GUCY1A2: variants seen among roughly 807,000 people sequenced by gnomAD.
GUCY1A2 encodes guanylate cyclase 1 soluble subunit alpha 2, also known as guanylate cyclase soluble subunit alpha-2.
In GUCY1A2, 27 loss-of-function variants were observed where a neutral mutation model predicts 63.5. The ratio of observed to expected loss-of-function variants is 0.43; its 90% CI spans 0.31 to 0.59. The LOEUF (loss-of-function observed/expected upper bound fraction) is 0.59, where lower values mean the gene tolerates loss of function less well. Ranked by LOEUF, GUCY1A2 falls within the 20% of genes least tolerant of loss-of-function variation. The probability of loss-of-function intolerance (pLI) is 0.11; values close to 1 mark genes in which losing one functional copy is unlikely to be tolerated. For missense variants in GUCY1A2, 768 were observed against 913.3 expected, an observed-to-expected ratio of 0.84 and a Z score of 2.05; for synonymous variants, 364 against 343.5, an observed-to-expected ratio of 1.06 and a Z score of -0.66.
intron 4 of GUCY1A2, among the ~76,000 whole-genome samples, chr11:106,877,084 C>G (rs1234583622): frequency 6.6e-6 from 1 of 152,034 alleles, no homozygotes; most frequent in African/African-American, 2.4e-5. Context: ...CACAAGCAGC[C>G]TTTAGAAGTT....
chr11:107,003,307 T>C (rs1441912960), intron 1 of GUCY1A2, among the ~76,000 whole-genome samples: 2 of 152,182 alleles, frequency 1.3e-5, no homozygotes, highest in Non-Finnish European at 2.9e-5. Context: ...AGACCATCCT[T>C]AAATTTCATT....
intron 5 of GUCY1A2, among the ~76,000 whole-genome samples, chr11:106,801,920 T>C (rs1390532530): frequency 6.6e-6 from 1 of 152,112 alleles, no homozygotes; most frequent in Non-Finnish European, 1.5e-5. Flanking sequence ...TTCCACAGGA[T>C]TGTTCTGGAA....
At chr11:106,922,795 C>T (rs1168949322) in intron 4 of GUCY1A2, among the ~76,000 whole-genome samples, 1 of 149,840 alleles carries the variant, frequency 6.7e-6, no homozygotes, top group Middle Eastern at 3.3e-3. Flanking sequence ...TCCTTTAGGA[C>T]TGGAAATCTG....
chr11:106,822,087 A>C (rs2135430953), intron 4 of GUCY1A2, among the ~76,000 whole-genome samples: 1 of 152,298 alleles, frequency 6.6e-6, no homozygotes, highest in South Asian at 2.1e-4. Flanking sequence ...CTGTTGCATA[A>C]GCAGAATTAA....
rs569899556 is a variant in GUCY1A2, at chr11:106,694,677, G to A, written c.1992-6921C>T. Among the ~76,000 whole-genome samples the A allele has an allele frequency of 2.0e-5, 3 of 152,228 alleles. No individual in the cohort carries two copies. The South Asian group carries it at 6.2e-4, about 32-fold the overall frequency. Reference sequence around the variant, plus strand: ...CATAATCATGGGAATGCATATTTAGGCATCCATTTTTCAGTTTCCTGACGT... The same window carrying A: ...CATAATCATGGGAATGCATATTTAGACATCCATTTTTCAGTTTCCTGACGT... On this transcript the variant is annotated intron_variant, in intron 7 of 7. Transcript: ENST00000526355.
chr11:106,755,661 G>A (rs1165133534), intron 6 of GUCY1A2, among the ~76,000 whole-genome samples: 1 of 152,188 alleles, frequency 6.6e-6, no homozygotes, highest in African/African-American at 2.4e-5. Flanking sequence ...GCGGTTTTGA[G>A]TGAGTTTCTT....
At chr11:106,815,382 G>A (rs940575710) in intron 4 of GUCY1A2, among the ~76,000 whole-genome samples, 1 of 151,964 alleles carries the variant, frequency 6.6e-6, no homozygotes, top group Non-Finnish European at 1.5e-5. Flanking sequence ...AGATGAAAAT[G>A]TCTTAAATTT....
chr11:106,744,737 T>C (rs1407812159), intron 6 of GUCY1A2, among the ~76,000 whole-genome samples: 2 of 152,200 alleles, frequency 1.3e-5, no homozygotes, highest in African/African-American at 2.4e-5. Flanking sequence ...TTTGTCATCA[T>C]AGAATGATGG....
intron 6 of GUCY1A2, among the ~76,000 whole-genome samples, chr11:106,731,476 A>T (rs961134233): frequency 1.3e-5 from 2 of 152,174 alleles, no homozygotes; most frequent in African/African-American, 4.8e-5. Flanking sequence ...AAGCCGGAAC[A>T]AGACAAGGAT....
intron 5 of GUCY1A2, among the ~76,000 whole-genome samples, chr11:106,798,723 G>A (rs1226148745): frequency 6.6e-5 from 10 of 152,068 alleles, no homozygotes; most frequent in Non-Finnish European, 1.5e-4. Context: ...AGCCCTTCAT[G>A]CTAAAAACTC....
intron 4 of GUCY1A2, among the ~76,000 whole-genome samples, chr11:106,828,545 C>A (rs142245844): frequency 1.9e-3 from 293 of 152,210 alleles, no homozygotes; most frequent in Non-Finnish European, 3.3e-3. Context: ...TTTATTTTAA[C>A]AACACCTACA....
intron 4 of GUCY1A2, among the ~76,000 whole-genome samples, chr11:106,912,052 C>T (rs910909819): frequency 1.3e-5 from 2 of 151,976 alleles, no homozygotes; most frequent in African/African-American, 4.8e-5. Flanking sequence ...TCCATTGCCA[C>T]ATTCCTCCAA....
At chr11:107,016,285 A>C (rs779637189) in intron 1 of GUCY1A2, among the ~76,000 whole-genome samples, 2 of 152,260 alleles carry the variant, frequency 1.3e-5, no homozygotes, top group African/African-American at 2.4e-5. Context: ...TGTCAGGAGG[A>C]GCTAAAGCTC....
intron 2 of GUCY1A2, among the ~76,000 whole-genome samples, chr11:106,981,801 C>T (rs532618685): frequency 2.0e-5 from 3 of 151,528 alleles, no homozygotes; most frequent in South Asian, 2.1e-4. Context: ...AGTTAGAACA[C>T]GAACTGGGCA....
intron 1 of GUCY1A2, among the ~76,000 whole-genome samples, chr11:106,994,760 A>AT (rs771457312): frequency 2.0e-5 from 3 of 152,168 alleles, no homozygotes; most frequent in Non-Finnish European, 4.4e-5. Context: ...TCCATTGGTA[A>AT]TTTATTTCAC....
intron 5 of GUCY1A2, among the ~76,000 whole-genome samples, chr11:106,800,632 G>T (rs1165318527): frequency 3.3e-5 from 5 of 151,874 alleles, no homozygotes; most frequent in Non-Finnish European, 5.9e-5. Flanking sequence ...GCAAACTATC[G>T]CAAGGACAAA....
chr11:107,004,931 C>A (rs1410828544), intron 1 of GUCY1A2, among the ~76,000 whole-genome samples: 2 of 152,094 alleles, frequency 1.3e-5, no homozygotes, highest in Non-Finnish European at 2.9e-5. Context: ...ATATAGAGTA[C>A]AAGATGAGGT....
chr11:106,783,179 G>T (rs530114383), intron 5 of GUCY1A2, among the ~76,000 whole-genome samples: 4 of 152,250 alleles, frequency 2.6e-5, no homozygotes, highest in African/African-American at 9.6e-5. Context: ...CACAGACAAG[G>T]GTTCAAGCCA....
At chr11:106,763,896 C>T (rs1229771886) in intron 6 of GUCY1A2, among the ~76,000 whole-genome samples, 2 of 152,070 alleles carry the variant, frequency 1.3e-5, no homozygotes, top group Admixed American at 6.6e-5. Context: ...CCAAAAGGAT[C>T]AACTGATACC....
Sources: gnomAD v4.1 joint callset for allele counts (sites outside exome capture counted in the v4.1 genomes callset) on GRCh38, gnomAD v4.1.1 for gene constraint, MANE v1.5 for transcripts, NCBI Gene and HGNC (gene_info 2026-07-23, HGNC 2026-07-21) for gene names.